DTNA: variants seen among roughly 807,000 people sequenced by gnomAD.
DTNA encodes dystrophin-related protein 3.
Under a neutral mutation model 100.7 loss-of-function variants are expected in DTNA, and 43 were observed. That is an observed-to-expected ratio of 0.43 (90% CI 0.33 to 0.55). The LOEUF (loss-of-function observed/expected upper bound fraction) is 0.55, where lower values mean the gene tolerates loss of function less well. Ranked by LOEUF, DTNA falls within the 20% of genes least tolerant of loss-of-function variation. The pLI, the probability that DTNA is intolerant of heterozygous loss-of-function variation, is 0.04. For missense variants in DTNA, 798 were observed against 953.9 expected (o/e 0.84, Z 2.15); for synonymous variants, 349 against 347.9 (o/e 1.00, Z -0.04).
At chr18:34,616,843 C>G (rs2055389762) in intron 1 of DTNA, among the ~76,000 whole-genome samples, 1 of 152,102 alleles carries the variant, frequency 6.6e-6, no homozygotes, top group African/African-American at 2.4e-5. Context: ...TCTTTCACCT[C>G]CCTGGCTAGC....
At chr18:34,885,479 T>G (rs1341117002) in intron 22 of DTNA, among the ~76,000 whole-genome samples, 1 of 152,204 alleles carries the variant, frequency 6.6e-6, no homozygotes, top group Non-Finnish European at 1.5e-5. Context: ...ACTGTAGTGG[T>G]CTGAAGCTTA....
intron 1 of DTNA, among the ~76,000 whole-genome samples, chr18:34,498,462 T>C (rs1166568704): frequency 6.8e-6 from 1 of 147,658 alleles, no homozygotes; most frequent in African/African-American, 2.5e-5. Context: ...ATAATAATAA[T>C]AATAATAATA....
chr18:34,867,025 A>G, intron 17 of DTNA: 1 of 1,224,190 alleles, frequency 8.2e-7, no homozygotes, highest in Non-Finnish European at 1.0e-6. Flanking sequence ...ATTAAATAGA[A>G]GCAAAATAAA....
chr18:34,669,330 G>T (rs2076409787), intron 1 of DTNA, among the ~76,000 whole-genome samples: 1 of 152,162 alleles, frequency 6.6e-6, no homozygotes, highest in Non-Finnish European at 1.5e-5. Context: ...CTCTGCACGT[G>T]AGATGGGTTT....
chr18:34,868,870 CA>C, intron 17 of DTNA: 1 of 763,562 alleles, frequency 1.3e-6, no homozygotes, highest in Non-Finnish European at 1.6e-6. Context: ...TTGAAGGAAC[CA>C]TAAAAAGAAC....
At chr18:34,730,661 A>G (rs1441890371) in intron 1 of DTNA, among the ~76,000 whole-genome samples, 1 of 152,210 alleles carries the variant, frequency 6.6e-6, no homozygotes, top group African/African-American at 2.4e-5. Flanking sequence ...TTGAGGGCTC[A>G]CATAAAGTTG....
At chr18:34,825,674 C>T (rs1184692462) in intron 9 of DTNA, among the ~76,000 whole-genome samples, 1 of 152,142 alleles carries the variant, frequency 6.6e-6, no homozygotes, top group Admixed American at 6.5e-5. Context: ...AGACCTTAAA[C>T]AAAGCCATTT....
chr18:34,682,423 T>C (rs2145545584), intron 1 of DTNA, among the ~76,000 whole-genome samples: 1 of 152,292 alleles, frequency 6.6e-6, no homozygotes, highest in East Asian at 1.9e-4. Context: ...AGGATAAAAA[T>C]ATGTTTAGTT....
intron 1 of DTNA, among the ~76,000 whole-genome samples, chr18:34,736,799 A>T (rs1339255240): frequency 6.6e-6 from 1 of 152,214 alleles, no homozygotes; most frequent in East Asian, 1.9e-4. Context: ...GTCCTGTTTA[A>T]AAGTAATGAT....
intron 3 of DTNA, among the ~76,000 whole-genome samples, chr18:34,786,792 C>T (rs929292021): frequency 6.6e-6 from 1 of 152,186 alleles, no homozygotes; most frequent in Admixed American, 6.5e-5. Flanking sequence ...GATTAAGCCT[C>T]AAACCCTTCT....
chr18:34,876,064 A>G (rs1364775469), intron 18 of DTNA, among the ~76,000 whole-genome samples: 1 of 152,176 alleles, frequency 6.6e-6, no homozygotes. Context: ...CATTCTGTAG[A>G]CCTTCACCGG....
At chr18:34,771,613 C>T (rs2093777227) in intron 3 of DTNA, among the ~76,000 whole-genome samples, 1 of 152,162 alleles carries the variant, frequency 6.6e-6, no homozygotes, top group African/African-American at 2.4e-5. Context: ...ATACCTTCCC[C>T]ATGATGTAAC....
intron 13 of DTNA, among the ~76,000 whole-genome samples, chr18:34,846,229 C>T (rs963979369): frequency 6.6e-6 from 1 of 151,944 alleles, no homozygotes. Flanking sequence ...TCACAAGATC[C>T]CTAGGTGATA....
intron 1 of DTNA, among the ~76,000 whole-genome samples, chr18:34,499,948 A>G (rs1601138080): frequency 6.6e-6 from 1 of 152,338 alleles, no homozygotes; most frequent in African/African-American, 2.4e-5. Context: ...AACATATTAC[A>G]TAGTTTTACA....
intron 1 of DTNA, among the ~76,000 whole-genome samples, chr18:34,509,076 T>G (rs969355653): frequency 3.9e-5 from 6 of 152,116 alleles, no homozygotes; most frequent in Admixed American, 6.6e-5. Flanking sequence ...TCATTTTGCT[T>G]GGGCGTTTAA....
At chr18:34,640,850 T>C (rs1251623417) in intron 1 of DTNA, among the ~76,000 whole-genome samples, 1 of 152,210 alleles carries the variant, frequency 6.6e-6, no homozygotes, top group Non-Finnish European at 1.5e-5. Context: ...AAAGGTTTGT[T>C]TTTTTCTTAT....
chr18:34,770,745 C>T (rs866961174), intron 3 of DTNA, among the ~76,000 whole-genome samples: 26 of 150,496 alleles, frequency 1.7e-4, no homozygotes, highest in Admixed American at 1.3e-3. Flanking sequence ...CTTGTAACCC[C>T]AATTTTTAAA....
chr18:34,556,476 TAC>T (rs1340262670), intron 1 of DTNA, among the ~76,000 whole-genome samples: 2 of 151,880 alleles, frequency 1.3e-5, no homozygotes. Flanking sequence ...CGATGGTCTT[TAC>T]ATTTTGGCAT....
chr18:34,797,028 C>T (rs1050106946), intron 4 of DTNA, among the ~76,000 whole-genome samples: 1 of 152,140 alleles, frequency 6.6e-6, no homozygotes, highest in East Asian at 1.9e-4. Flanking sequence ...TCTCTCTGCT[C>T]GTTGGCAAGT....
Sources: gnomAD v4.1 joint callset for allele counts (sites outside exome capture counted in the v4.1 genomes callset) on GRCh38, gnomAD v4.1.1 for gene constraint, MANE v1.5 for transcripts, NCBI Gene and HGNC (gene_info 2026-07-23, HGNC 2026-07-21) for gene names.